Variants in BANP observed in about 807,000 individuals in gnomAD.
BANP encodes the protein BTG3 associated nuclear protein.
BANP carries 11 observed loss-of-function variants against 68.1 expected under a neutral mutation model. The ratio of observed to expected loss-of-function variants is 0.16; its 90% CI spans 0.10 to 0.27. The LOEUF (loss-of-function observed/expected upper bound fraction) is 0.27, where lower values mean the gene tolerates loss of function less well. BANP is among the 10% of genes least tolerant of loss of function. BANP has a pLI of 1.00. For missense variants in BANP, 504 were observed against 722.7 expected (o/e 0.70, Z 3.47); for synonymous variants, 329 against 303.2 (o/e 1.09, Z -0.88).
chr16:87,949,957 A>C (rs2056652327), upstream of BANP, among the ~76,000 whole-genome samples: 1 of 148,026 alleles, frequency 6.8e-6, no homozygotes, highest in Admixed American at 6.8e-5. Flanking sequence ...GGCTCACTGC[A>C]AGCTCCGCCT....
intron 3 of BANP, chr16:87,982,620 C>G (rs992816921): frequency 6.6e-6 from 1 of 152,250 alleles, no homozygotes; most frequent in African/African-American, 2.4e-5. Context: ...CTCCTTCCCT[C>G]TCTCACACGC....
rs746914003 is a variant in BANP, at chr16:88,076,611, A to G, written c.1543A>G (p.Thr515Ala). The change falls in exon 14 of 14, where the codon ACG becomes GCG. Residue 515 changes from threonine (T) to alanine (A), a missense_variant. Thr to Ala is a moderately conservative substitution (Grantham distance 58). Around this residue, in one of 3 missense-constraint regions of BANP, gnomAD observed 223 missense variants for 246.2 expected, o/e 0.91. Transcript: ENST00000682872. ...GAQTAEALQP[T>A]LQPEMQLEHG... is the part of the protein sequence containing the mutation. The stretch of plus-strand genomic sequence containing the variant: ...GCAGACGGCCGAAGCCCTGCAGCCC[A>G]CGCTACAGCCGGAGATGCAGCTCGA... The G allele has an allele frequency of 8.6e-5, 139 of 1,612,174 alleles. 2 individuals are homozygous for G. The South Asian group carries it at 1.5e-3, about 17-fold the overall frequency.
At chr16:87,984,294 C>T in intron 4 of BANP, 35 bp downstream of exon 4, 2 of 1,527,334 alleles carry the variant, frequency 1.3e-6, no homozygotes, top group Non-Finnish European at 1.8e-6. Context: ...GCCTTCAGGT[C>T]ACTTGGGGAG....
intron 2 of BANP, among the ~76,000 whole-genome samples, chr16:87,977,812 G>A (rs984509432): frequency 6.6e-6 from 1 of 150,818 alleles, no homozygotes; most frequent in Non-Finnish European, 1.5e-5. Flanking sequence ...CTTGCATCAG[G>A]CCTGTCACTG....
chr16:88,014,777 C>T lies in BANP; in HGVS notation c.656-3651C>T, dbSNP rs145576073. Among the ~76,000 whole-genome samples, 51 of 152,138 alleles carry T rather than the reference C, an allele frequency of 3.4e-4. 3 individuals carry two copies. The East Asian group carries it at 9.1e-3, about 27-fold the overall frequency. On this transcript the variant is annotated intron_variant, in intron 6 of 13. Transcript: ENST00000682872. ...CAGGATGCTGCTGCCCTTCCTGCTG[C>T]CTGCCTCGGGTCCTCTGTTTGTGAT...
At chr16:87,983,226 T>C (rs913176382) in intron 3 of BANP, among the ~76,000 whole-genome samples, 21 of 151,530 alleles carry the variant, frequency 1.4e-4, no homozygotes, top group African/African-American at 5.1e-4. Flanking sequence ...TAAGCAGGGC[T>C]GGTGGGCGCT....
rs865799161 is a variant in BANP, at chr16:87,957,303, C to G, written c.-69+5788C>G. Among the ~76,000 whole-genome samples, 1 of 152,076 alleles carries G rather than the reference C, an allele frequency of 6.6e-6. No individual in the cohort carries two copies. Among genetic ancestry groups the G allele is most frequent in the African/African-American group, 2.4e-5 (1 of 41,402 alleles). ...TGTGGAAGGACACATGGAGCAGAGGCGGCTGAGGAGGTGAAAGGCTGAGAG... is the reference window on the plus strand; with the variant it reads ...TGTGGAAGGACACATGGAGCAGAGGGGGCTGAGGAGGTGAAAGGCTGAGAG... On this transcript the variant is annotated intron_variant, in intron 1 of 13. Coordinates refer to ENST00000682872, the MANE Select transcript of BANP (RefSeq NM_001386991.1). This position sits in a 1 kb window ranked among gnomAD's most constrained non-coding sequence, Gnocchi z 4.3.
chr16:87,950,018 C>T (rs148869270), upstream of BANP, among the ~76,000 whole-genome samples: 738 of 152,000 alleles, frequency 4.9e-3, 8 homozygotes, highest in African/African-American at 0.017. Flanking sequence ...GCTGGGACTA[C>T]AGGCGCCTGC....
chr16:88,022,972 G>A (rs1006519804), intron 7 of BANP, among the ~76,000 whole-genome samples: 31 of 152,334 alleles, frequency 2.0e-4, no homozygotes, highest in African/African-American at 7.2e-4. Flanking sequence ...CAGGACGTGA[G>A]TTTTGTGGGG....
chr16:88,039,345 T>C (rs2080188722), intron 11 of BANP, among the ~76,000 whole-genome samples: 1 of 143,374 alleles, frequency 7.0e-6, no homozygotes, highest in Non-Finnish European at 1.6e-5. Context: ...TGCAGGTCAG[T>C]TCTCCGCGCC....
chr16:88,063,726 G>A (rs1344846866), intron 11 of BANP, among the ~76,000 whole-genome samples: 1 of 152,176 alleles, frequency 6.6e-6, no homozygotes, highest in Admixed American at 6.5e-5. Context: ...ATGGCATCCT[G>A]ACCGTGATGT....
In BANP at chr16:88,036,563, C is replaced by T. The variant is rs2079414618; in HGVS notation, c.1272+1169C>T. ...CTGGCAGTGGCTTTAATTTGGACAC[C>T]AGCAGTTCCCGGTGGGTTATCCTGA... On this transcript the variant is annotated intron_variant, in intron 10 of 13. Coordinates refer to ENST00000682872, the MANE Select transcript of BANP (RefSeq NM_001386991.1). The surrounding 1 kb of genome is among the most constrained non-coding windows in gnomAD (Gnocchi z 4.2). Among the ~76,000 whole-genome samples, 1 of 152,104 alleles carries T rather than the reference C, an allele frequency of 6.6e-6. No individual in the cohort carries two copies. Among genetic ancestry groups the T allele is most frequent in the African/African-American group, 2.4e-5 (1 of 41,390 alleles).
chr16:88,010,130 G>C (rs1422267993), intron 6 of BANP, among the ~76,000 whole-genome samples: 1 of 152,248 alleles, frequency 6.6e-6, no homozygotes, highest in Non-Finnish European at 1.5e-5. Context: ...TTTTGTACTT[G>C]AAAGTGTGTG....
intron 8 of BANP, among the ~76,000 whole-genome samples, chr16:88,028,223 T>A (rs1265065069): frequency 1.3e-5 from 2 of 152,258 alleles, no homozygotes; most frequent in Non-Finnish European, 2.9e-5. Flanking sequence ...ATGAAAACTA[T>A]TCTCTTAAAG....
At chr16:88,063,379 C>A (rs1284052436) in intron 11 of BANP, among the ~76,000 whole-genome samples, 4 of 152,214 alleles carry the variant, frequency 2.6e-5, no homozygotes, top group African/African-American at 9.6e-5. Context: ...TTCCACGTGG[C>A]CCGGCTCAGC....
At chr16:88,041,729 T>C (rs1460065995) in intron 11 of BANP, among the ~76,000 whole-genome samples, 2 of 152,208 alleles carry the variant, frequency 1.3e-5, no homozygotes, top group African/African-American at 4.8e-5. Flanking sequence ...CGCTTACATC[T>C]GGTGCTGGGT....
intron 2 of BANP, among the ~76,000 whole-genome samples, chr16:87,977,311 C>A (rs1376883474): frequency 6.6e-6 from 1 of 152,090 alleles, no homozygotes; most frequent in African/African-American, 2.4e-5. Flanking sequence ...CCCAGCTGCT[C>A]AGGAGGCTGA....
rs772532188 is a variant in BANP at position 88,002,958 on chromosome 16, C to T, written c.363-1337C>T. ...CCGGGGACACCAGCCTTCCCACATG[C>T]TGTGAGCCTAGGATCCCGGGGCCAC... On this transcript the variant is annotated intron_variant, in intron 4 of 13. Transcript: ENST00000682872. The surrounding 1 kb of genome is among the most constrained non-coding windows in gnomAD (Gnocchi z 4.6). Among the ~76,000 whole-genome samples the T allele has an allele frequency of 6.6e-6, 1 of 152,062 alleles. No homozygotes were observed. The highest frequency in any genetic ancestry group is 1.5e-5 in the Non-Finnish European group (1 of 67,996).
At chr16:88,022,945 A>G (rs1262437599) in intron 7 of BANP, among the ~76,000 whole-genome samples, 1 of 152,180 alleles carries the variant, frequency 6.6e-6, no homozygotes, top group African/African-American at 2.4e-5. Flanking sequence ...GTCAGGTCAC[A>G]TTCTGGGGTC....
Sources: gnomAD v4.1 joint callset for allele counts (sites outside exome capture counted in the v4.1 genomes callset) on GRCh38, gnomAD v4.1.1 for gene constraint, gnomAD v4.1.1 regional missense constraint, Gnocchi (gnomAD v3.1) non-coding constraint, MANE v1.5 for transcripts, NCBI Gene and HGNC (gene_info 2026-07-23, HGNC 2026-07-21) for gene names.